SNTG1: variants seen among roughly 807,000 people sequenced by gnomAD.
SNTG1 encodes the protein gamma-1-syntrophin.
A neutral mutation model predicts 74.7 loss-of-function variants in SNTG1; 39 were observed. That is an observed-to-expected ratio of 0.52 (90% confidence interval 0.40 to 0.68). The LOEUF (loss-of-function observed/expected upper bound fraction) is 0.68, where lower values mean the gene tolerates loss of function less well. Among genes scored for constraint, SNTG1 ranks in the 30% least tolerant of loss-of-function variants. The pLI is 0.00. For synonymous variants in SNTG1, 254 were observed against 217.1 expected, an observed-to-expected ratio of 1.17 and a Z score of -1.49; for missense variants, 685 against 609.5, an observed-to-expected ratio of 1.12 and a Z score of -1.30.
intron 1 of SNTG1, among the ~76,000 whole-genome samples, chr8:49,935,290 G>T (rs1215545989): frequency 6.7e-6 from 1 of 149,212 alleles, no homozygotes; most frequent in Non-Finnish European, 1.5e-5. Flanking sequence ...CTTCTTAGAA[G>T]AAATGTTTGG....
intron 8 of SNTG1, among the ~76,000 whole-genome samples, chr8:50,472,532 A>T (rs2093661635): frequency 6.6e-6 from 1 of 152,182 alleles, no homozygotes; most frequent in Non-Finnish European, 1.5e-5. Flanking sequence ...AAAATGGATG[A>T]TTAAAGATCT....
intron 18 of SNTG1, among the ~76,000 whole-genome samples, chr8:50,763,539 T>A (rs923908335): frequency 6.6e-6 from 1 of 151,540 alleles, no homozygotes; most frequent in African/African-American, 2.4e-5. Flanking sequence ...GGTTGATGTG[T>A]CTGTTTTTAT....
chr8:50,367,832 C>T (rs1463732534), intron 2 of SNTG1, among the ~76,000 whole-genome samples: 2 of 152,104 alleles, frequency 1.3e-5, no homozygotes, highest in Admixed American at 1.3e-4. Flanking sequence ...TCTCTGGAAA[C>T]TCCTGAGCAA....
chr8:50,433,459 C>G (rs995518996), intron 4 of SNTG1, among the ~76,000 whole-genome samples: 11 of 147,082 alleles, frequency 7.5e-5, no homozygotes, highest in Non-Finnish European at 1.5e-4. Context: ...CTTTTTACTA[C>G]ATTGCACCAT....
At chr8:50,386,426 T>A (rs1335734802) in intron 2 of SNTG1, among the ~76,000 whole-genome samples, 1 of 123,412 alleles carries the variant, frequency 8.1e-6, no homozygotes, top group Non-Finnish European at 1.7e-5. Flanking sequence ...ATTCTGCAAT[T>A]CTTTGGGGGA....
rs554801306 is a variant in SNTG1, at chr8:50,214,293, G to A, written c.-28+41658G>A. Among the ~76,000 whole-genome samples, 395 of 149,338 alleles carry A rather than the reference G, an allele frequency of 2.6e-3. 5 individuals are homozygous for A. The highest frequency in any genetic ancestry group is 1.8e-3 in the Non-Finnish European group (120 of 67,486). The stretch of plus-strand genomic sequence containing the variant: ...GGAGGGGGGAGGGATAACATTAGGA[G>A]ATATACCTAATGCTAAATGACGAGT... On this transcript the variant is annotated intron_variant, in intron 2 of 18. Coordinates refer to ENST00000642720, the MANE Select transcript of SNTG1 (RefSeq NM_018967.5).
intron 1 of SNTG1, among the ~76,000 whole-genome samples, chr8:50,042,889 T>C (rs1301377156): frequency 6.6e-6 from 1 of 152,192 alleles, no homozygotes; most frequent in African/African-American, 2.4e-5. Context: ...GAGCTATGGC[T>C]CGTTGCCAAT....
intron 2 of SNTG1, among the ~76,000 whole-genome samples, chr8:50,239,119 C>T (rs1563783410): frequency 6.6e-6 from 1 of 152,128 alleles, no homozygotes; most frequent in Non-Finnish European, 1.5e-5. Flanking sequence ...TGCCATTCAA[C>T]CCTGCAATCA....
At chr8:50,718,625 C>G (rs1006433261) in intron 17 of SNTG1, among the ~76,000 whole-genome samples, 17 of 152,228 alleles carry the variant, frequency 1.1e-4, no homozygotes, top group African/African-American at 3.4e-4. Context: ...ATGCGCAATT[C>G]TATTTTAGTC....
At chr8:50,596,598 T>C (rs1415455535) in intron 13 of SNTG1, among the ~76,000 whole-genome samples, 4 of 152,062 alleles carry the variant, frequency 2.6e-5, no homozygotes, top group Non-Finnish European at 5.9e-5. Flanking sequence ...ATCACATACA[T>C]GTGGGCCTAT....
intron 2 of SNTG1, among the ~76,000 whole-genome samples, chr8:50,292,977 G>A (rs2089190361): frequency 6.6e-6 from 1 of 152,130 alleles, no homozygotes; most frequent in Non-Finnish European, 1.5e-5. Flanking sequence ...GGAAGACACA[G>A]TGGGTTCTGG....
intron 2 of SNTG1, among the ~76,000 whole-genome samples, chr8:50,205,710 G>T (rs911786091): frequency 2.6e-5 from 4 of 152,104 alleles, no homozygotes; most frequent in African/African-American, 4.8e-5. Context: ...GGTCTAACAT[G>T]TAAGTCTTTA....
intron 1 of SNTG1, among the ~76,000 whole-genome samples, chr8:50,055,853 T>A (rs1333668897): frequency 6.6e-6 from 1 of 152,140 alleles, no homozygotes; most frequent in African/African-American, 2.4e-5. Context: ...TATTTTATAA[T>A]TTTAAAAAAT....
At chr8:50,572,566 G>C (rs2094555229) in intron 12 of SNTG1, among the ~76,000 whole-genome samples, 1 of 152,060 alleles carries the variant, frequency 6.6e-6, no homozygotes. Flanking sequence ...GTTTTGAAAA[G>C]CAACATGGCC....
At chr8:50,121,861 T>C (rs1397410064) in intron 1 of SNTG1, among the ~76,000 whole-genome samples, 1 of 141,902 alleles carries the variant, frequency 7.0e-6, no homozygotes, top group African/African-American at 2.6e-5. Context: ...ATGTTTAAGC[T>C]TGAAACTAAA....
chr8:50,075,650 C>CT lies in SNTG1; in HGVS notation c.-102-96908dup, dbSNP rs926489854. 7.2e-5 allele frequency among the ~76,000 whole-genome samples: 11 copies of CT among 152,274 alleles called. 1 individual carries two copies. The highest frequency in any genetic ancestry group is 2.4e-4 in the African/African-American group (10 of 41,550). The stretch of plus-strand genomic sequence containing the variant: ...GCTTCCTACGCTGTGGAGCTTTGTT[C>CT]TTTCAGTAAATCTTGCTGCTGCTCA... On this transcript the variant is annotated intron_variant, in intron 1 of 18. Coordinates refer to ENST00000642720, the MANE Select transcript of SNTG1 (RefSeq NM_018967.5).
intron 15 of SNTG1, among the ~76,000 whole-genome samples, chr8:50,663,387 G>A (rs1178423099): frequency 2.0e-5 from 3 of 152,274 alleles, no homozygotes; most frequent in Non-Finnish European, 2.9e-5. Context: ...CGAATGCAAC[G>A]TGAGATGGAG....
chr8:50,159,676 A>G (rs571316976), intron 1 of SNTG1, among the ~76,000 whole-genome samples: 7 of 152,310 alleles, frequency 4.6e-5, no homozygotes, highest in Admixed American at 3.9e-4. Context: ...TGCAGCTTCA[A>G]TGAAACTAAA....
intron 8 of SNTG1, among the ~76,000 whole-genome samples, chr8:50,500,565 T>C (rs895404138): frequency 6.6e-6 from 1 of 152,160 alleles, no homozygotes; most frequent in Non-Finnish European, 1.5e-5. Context: ...CCCTTTAAAA[T>C]TGTGATTTTT....
Sources: gnomAD v4.1 joint callset for allele counts (sites outside exome capture counted in the v4.1 genomes callset) on GRCh38, gnomAD v4.1.1 for gene constraint, MANE v1.5 for transcripts, NCBI Gene and HGNC (gene_info 2026-07-23, HGNC 2026-07-21) for gene names.